Variants in INTU observed in about 807,000 individuals in gnomAD.
The protein encoded by INTU is inturned planar cell polarity protein.
INTU carries 68 observed loss-of-function variants against 100.5 expected under a neutral mutation model. That is an observed-to-expected ratio of 0.68 (90% CI 0.56 to 0.83). The LOEUF is 0.83. INTU is among the 40% of genes least tolerant of loss of function. The pLI is 0.00. For synonymous variants in INTU, 357 were observed against 395.7 expected (o/e 0.90, Z 1.16); for missense variants, 1,071 against 1,114.7 (o/e 0.96, Z 0.56).
At position 127,704,251 on chromosome 4, in the gene INTU, G is replaced by C; in HGVS notation, c.1527G>C (p.Arg509Ser). 1 of 1,609,604 alleles carries C rather than the reference G, an allele frequency of 6.2e-7. No homozygotes were observed. The highest frequency in any genetic ancestry group is 2.2e-5 in the East Asian group (1 of 44,828). The change falls in exon 10 of 16, where the codon AGG becomes AGC. Residue 509 changes from arginine to serine, a missense_variant. Physicochemically the swap from Arg to Ser is moderately radical, Grantham distance 110. Coordinates refer to ENST00000335251, the MANE Select transcript of INTU (RefSeq NM_015693.4). ...AELSEDYYDM[R>S]RLYTILGSSL... is the part of the protein sequence containing the mutation. ...AGTCCGAGGATTACTATGACATGAG[G>C]CGGCTGTATACAATTTTGGGGTCTT... is the stretch of plus-strand genomic sequence containing the variant.
At chr4:127,634,911 A>G (rs976266561) in intron 1 of INTU, among the ~76,000 whole-genome samples, 43 of 152,332 alleles carry the variant, frequency 2.8e-4, no homozygotes, top group African/African-American at 9.9e-4. Context: ...TGGCCTTCCC[A>G]ACTTGTACAG....
chr4:127,644,686 T>C (rs1727493165), intron 2 of INTU, among the ~76,000 whole-genome samples: 1 of 152,228 alleles, frequency 6.6e-6, no homozygotes, highest in African/African-American at 2.4e-5. Context: ...TTTAAGCTGT[T>C]AGATACAATG....
At chr4:127,655,013 A>G (rs995839360) in intron 2 of INTU, among the ~76,000 whole-genome samples, 1 of 151,834 alleles carries the variant, frequency 6.6e-6, no homozygotes, top group African/African-American at 2.4e-5. Flanking sequence ...AGTTGATTGC[A>G]TCGGCTCCTG....
chr4:127,705,696 C>A lies in INTU; in HGVS notation c.1672C>A (p.Gln558Lys). The A allele has an allele frequency of 6.2e-7, 1 of 1,613,976 alleles. No individual in the cohort carries two copies. ...TTTAGCAGCAAAACAAAGAATTGGT[C>A]AGTTGATCATATGGAGAGAAGTGTT... ...LPLAAKQRIG[Q>K]LIIWREVFPQ... Residue 558 changes from glutamine to lysine, a missense_variant, in exon 11 of 16, where the codon CAG becomes AAG. By Grantham distance (53) the Gln-to-Lys change is moderately conservative (BLOSUM62 1). Transcript: ENST00000335251.
chr4:127,670,439 A>G lies in INTU; in HGVS notation c.1091+1285A>G, dbSNP rs557667845. ...TAACTATGTGACTTTAATATAGTGTATATACAAACTGTTAGTTTATTTTCA... is the reference window on the plus strand; with the variant it reads ...TAACTATGTGACTTTAATATAGTGTGTATACAAACTGTTAGTTTATTTTCA... On this transcript the variant is annotated intron_variant, in intron 5 of 15. Coordinates refer to ENST00000335251, the MANE Select transcript of INTU (RefSeq NM_015693.4). Among the ~76,000 whole-genome samples, 11 of 152,128 alleles carry G rather than the reference A, an allele frequency of 7.2e-5. No homozygotes were observed. In the East Asian group the frequency reaches 9.6e-4, roughly 13 times the overall value.
intron 6 of INTU, among the ~76,000 whole-genome samples, chr4:127,681,041 A>G (rs956971482): frequency 4.0e-5 from 6 of 151,696 alleles, no homozygotes; most frequent in Non-Finnish European, 7.4e-5. Context: ...AATCCAACTT[A>G]CAAGGGATGT....
Position 127,670,421 on chromosome 4 carries a change from G to T in INTU, c.1091+1267G>T, listed in dbSNP as rs78605282. On this transcript the variant is annotated intron_variant, in intron 5 of 15. Coordinates refer to ENST00000335251, the MANE Select transcript of INTU (RefSeq NM_015693.4). Reference sequence around the variant, plus strand: ...CTAATTAAAAGTCATGTTTAACTATGTGACTTTAATATAGTGTATATACAA... The same window carrying T: ...CTAATTAAAAGTCATGTTTAACTATTTGACTTTAATATAGTGTATATACAA... Among the ~76,000 whole-genome samples the T allele has an allele frequency of 5.2e-3, 793 of 151,974 alleles. 11 individuals carry two copies. The highest frequency in any genetic ancestry group is 0.018 in the African/African-American group (764 of 41,534).
chr4:127,657,274 T>G (rs894529392), intron 3 of INTU, among the ~76,000 whole-genome samples: 1 of 152,356 alleles, frequency 6.6e-6, no homozygotes, highest in South Asian at 2.1e-4. Flanking sequence ...TTTGATACCC[T>G]AAACATTGAC....
chr4:127,694,433 A>G (rs943035522), intron 8 of INTU, among the ~76,000 whole-genome samples: 2 of 151,962 alleles, frequency 1.3e-5, no homozygotes, highest in Non-Finnish European at 2.9e-5. Flanking sequence ...TTTCATTTCT[A>G]ATTGAACTTA....
At chr4:127,677,307 T>C (rs574716013) in intron 6 of INTU, among the ~76,000 whole-genome samples, 8,617 of 151,680 alleles carry the variant, frequency 0.057, 807 homozygotes, top group African/African-American at 0.2. Context: ...CTCAAGTGGG[T>C]CCCTGACCCC....
chr4:127,699,609 A>C (rs994263436), intron 8 of INTU, among the ~76,000 whole-genome samples: 1 of 152,244 alleles, frequency 6.6e-6, no homozygotes, highest in Non-Finnish European at 1.5e-5. Context: ...TGGCTACTTT[A>C]AGACTGATTT....
intron 1 of INTU, among the ~76,000 whole-genome samples, chr4:127,634,366 A>G (rs969742437): frequency 2.4e-4 from 37 of 152,342 alleles, no homozygotes; most frequent in African/African-American, 8.7e-4. Context: ...TGGCTTCTCC[A>G]CATTTTAGAG....
chr4:127,677,057 G>A (rs939465975), intron 6 of INTU, among the ~76,000 whole-genome samples: 22 of 152,176 alleles, frequency 1.4e-4, no homozygotes, highest in African/African-American at 5.3e-4. Flanking sequence ...AGGGGAGCCC[G>A]CCATTGCCCA....
In INTU at chr4:127,725,025, C is replaced by G. The variant is rs1731397508; in HGVS notation, c.*8589C>G. ...TTGAGGCCAGGCACAGTTGCTCACA[C>G]CTGTAACTCCAGCACTTTGGAAGGC... On this transcript the variant is annotated 3_prime_UTR_variant, in exon 16 of 16. Transcript: ENST00000335251. 6.6e-6 allele frequency: 1 copy of G among 151,768 alleles called. No homozygotes were observed. Among genetic ancestry groups the G allele is most frequent in the Admixed American group, 6.6e-5 (1 of 15,218 alleles). 9.4% of individuals were successfully genotyped at this position (151,768 alleles called of 1,614,324 possible).
chr4:127,698,939 T>G (rs1459128830), intron 8 of INTU, among the ~76,000 whole-genome samples: 1 of 152,152 alleles, frequency 6.6e-6, no homozygotes, highest in Non-Finnish European at 1.5e-5. Context: ...CAGAAAAATG[T>G]AGGTCACAAA....
rs563003823 is a variant in INTU at position 127,655,838 on chromosome 4, A to C, written c.683-798A>C. Among the ~76,000 whole-genome samples the C allele has an allele frequency of 3.3e-5, 5 of 152,252 alleles. No individual in the cohort carries two copies. The South Asian group carries it at 8.3e-4, about 25-fold the overall frequency. On this transcript the variant is annotated intron_variant, in intron 2 of 15. Transcript: ENST00000335251. The stretch of plus-strand genomic sequence containing the variant: ...TCCCCCAGCCTCGCTGCCGCCTTGC[A>C]GTTTGATCTCAGACTGCTGTGCTAG...
At chr4:127,704,139 A>G in intron 9 of INTU, 89 bp from the exon 10 acceptor site, 2 of 1,063,744 alleles carry the variant, frequency 1.9e-6, no homozygotes, top group South Asian at 1.5e-5. Context: ...ACTAAAGAAT[A>G]TAATTTTCAT....
At chr4:127,714,780 ATC>A (rs1335399604) in intron 15 of INTU, among the ~76,000 whole-genome samples, 28 of 152,010 alleles carry the variant, frequency 1.8e-4, no homozygotes, top group African/African-American at 6.5e-4. Context: ...CAGGAATTGT[ATC>A]TGTCTTGTCC....
Position 127,663,420 on chromosome 4 carries a change from G to A in INTU, c.808G>A (p.Glu270Lys). The change falls in exon 4 of 16, where the codon GAG (glutamate) becomes AAG (lysine). Residue 270 changes from glutamate (E) to lysine (K), a missense_variant. Glu to Lys is a moderately conservative substitution (Grantham distance 56). Coordinates refer to ENST00000335251, the MANE Select transcript of INTU (RefSeq NM_015693.4). Reference protein sequence around the residue: ...TFENAYDVKRETSHPRQKKTQ... With the variant: ...TFENAYDVKRKTSHPRQKKTQ... ...TGAAAATGCATATGATGTGAAAAGGGAGACGTCCCATCCAAGACAGAAAAA... is the reference window on the plus strand; with the variant it reads ...TGAAAATGCATATGATGTGAAAAGGAAGACGTCCCATCCAAGACAGAAAAA... 6.2e-7 allele frequency: 1 copy of A among 1,613,166 alleles called. No individual in the cohort carries two copies. The highest frequency in any genetic ancestry group is 8.5e-7 in the Non-Finnish European group (1 of 1,179,418).
Sources: gnomAD v4.1 joint callset for allele counts (sites outside exome capture counted in the v4.1 genomes callset) on GRCh38, gnomAD v4.1.1 for gene constraint, MANE v1.5 for transcripts, NCBI Gene and HGNC (gene_info 2026-07-23, HGNC 2026-07-21) for gene names.